Variants in ZMYND11 observed in about 807,000 individuals in gnomAD.
ZMYND11 encodes zinc finger MYND domain-containing protein 11.
Under a neutral mutation model 84.9 loss-of-function variants are expected in ZMYND11, and 9 were observed. That is an observed-to-expected ratio of 0.11 (90% CI 0.06 to 0.18). The LOEUF (loss-of-function observed/expected upper bound fraction) is 0.18. ZMYND11 is among the 10% of genes least tolerant of loss of function. The pLI is 1.00. For missense variants in ZMYND11, 409 were observed against 761.0 expected, an observed-to-expected ratio of 0.54 and a Z score of 5.44; for synonymous variants, 250 against 244.1, an observed-to-expected ratio of 1.02 and a Z score of -0.23.
At chr10:138,694 C>T (rs1836737266) in intron 1 of ZMYND11, among the ~76,000 whole-genome samples, 1 of 151,502 alleles carries the variant, frequency 6.6e-6, no homozygotes, top group Non-Finnish European at 1.5e-5. Context: ...CTTTCTTGTC[C>T]TTCAGTTGAA....
chr10:213,113 C>T (rs1205621328), intron 3 of ZMYND11, among the ~76,000 whole-genome samples: 1 of 151,956 alleles, frequency 6.6e-6, no homozygotes, highest in Non-Finnish European at 1.5e-5. Flanking sequence ...ATGGCCAGTG[C>T]GTGGAGGTTG....
chr10:249,719 A>T (rs1182680313), intron 14 of ZMYND11: 4 of 985,322 alleles, frequency 4.1e-6, no homozygotes, highest in Non-Finnish European at 4.8e-6. Flanking sequence ...GAATTAGGGA[A>T]AAGTTTTGCT....
intron 1 of ZMYND11, among the ~76,000 whole-genome samples, chr10:166,026 T>C (rs782480918): frequency 3.9e-5 from 6 of 152,104 alleles, no homozygotes; most frequent in Non-Finnish European, 8.8e-5. Context: ...TCATCAACAG[T>C]TGGTGCCAAG....
At chr10:204,666 A>G (rs1307152442) in intron 2 of ZMYND11, among the ~76,000 whole-genome samples, 1 of 152,120 alleles carries the variant, frequency 6.6e-6, no homozygotes, top group African/African-American at 2.4e-5. Flanking sequence ...ATTCTTGATT[A>G]GGTTACAGAA....
At chr10:196,573 A>C (rs1941795693) in intron 2 of ZMYND11, among the ~76,000 whole-genome samples, 1 of 152,196 alleles carries the variant, frequency 6.6e-6, no homozygotes, top group African/African-American at 2.4e-5. Context: ...ACATCATAAA[A>C]TTTGATAATC....
upstream of ZMYND11, among the ~76,000 whole-genome samples, chr10:133,422 A>C (rs1835374757): frequency 6.6e-6 from 1 of 152,238 alleles, no homozygotes; most frequent in Non-Finnish European, 1.5e-5. Context: ...ATTCTAGGCA[A>C]AACCAACAGG....
intron 10 of ZMYND11, among the ~76,000 whole-genome samples, chr10:242,472 TC>T (rs1377613640): frequency 3.9e-5 from 6 of 152,144 alleles, no homozygotes; most frequent in African/African-American, 1.4e-4. Flanking sequence ...TCACAGTTAC[TC>T]TAGTTGCTCC....
At chr10:243,816 G>C (rs569219735) in intron 10 of ZMYND11, among the ~76,000 whole-genome samples, 3 of 152,126 alleles carry the variant, frequency 2.0e-5, no homozygotes, top group Admixed American at 2.0e-4. Flanking sequence ...AGTGAGCAGA[G>C]ACTGTGCCAC....
In ZMYND11 at chr10:242,226, G is replaced by A. The variant is rs1025746300; in HGVS notation, c.950+87G>A. 25 of 1,496,228 alleles carry A rather than the reference G, an allele frequency of 1.7e-5. No homozygotes were observed. The Admixed American group carries it at 3.5e-4, about 21-fold the overall frequency. The allele number at this position is 1,496,228 out of a possible 1,614,324, so 92.7% of individuals were successfully genotyped here. A position where few individuals can be genotyped will look rare whatever the true frequency, so the allele number is the denominator to read the frequency against. The stretch of plus-strand genomic sequence containing the variant: ...GATGATTTCTCCATCAGAGATGCAT[G>A]AAGTTTATTTTAAATTGGAAAAAAA... On this transcript the variant is annotated intron_variant, in intron 10 of 14. Transcript: ENST00000381604.
intron 1 of ZMYND11, among the ~76,000 whole-genome samples, chr10:168,729 G>T (rs1332712008): frequency 6.6e-6 from 1 of 152,136 alleles, no homozygotes; most frequent in African/African-American, 2.4e-5. Flanking sequence ...AAACCATGGG[G>T]TGTACTGCTG....
Position 246,898 on chromosome 10 carries a change from A to C in ZMYND11, c.1083A>C (p.Arg361Ser). 6.2e-7 allele frequency: 1 copy of C among 1,613,730 alleles called. No individual in the cohort carries two copies. ...ATCAGCGTTTCCTACGAGAAGGGAG[A>C]TTTTGGAAATCTAAGAATGAGGACC... The part of the protein sequence containing the change: ...ELHQRFLREG[R>S]FWKSKNEDRG... Residue 361 changes from arginine (R) to serine (S), a missense_variant, in exon 11 of 15, where the codon AGA becomes AGC. Around this residue, in one of 7 missense-constraint regions of ZMYND11, gnomAD observed 48 missense variants for 61.1 expected, o/e 0.79. Coordinates refer to ENST00000381604, the MANE Select transcript of ZMYND11 (RefSeq NM_001370100.5).
intron 2 of ZMYND11, among the ~76,000 whole-genome samples, chr10:203,496 T>G (rs899908530): frequency 1.3e-5 from 2 of 152,214 alleles, no homozygotes; most frequent in Admixed American, 6.5e-5. Flanking sequence ...GTGGATATTC[T>G]TAACTTGGTT....
chr10:187,648 A>C (rs1939101626), intron 2 of ZMYND11, among the ~76,000 whole-genome samples: 4 of 136,454 alleles, frequency 2.9e-5, no homozygotes. Context: ...AAAAAAAAAA[A>C]ACCATACCCA....
In ZMYND11 at chr10:151,504, G is replaced by C. The variant is rs549928636; in HGVS notation, c.-20+15945G>C. On this transcript the variant is annotated intron_variant, in intron 1 of 14. Transcript: ENST00000381604. ...AATGAATGAAATAAATCCACAAGAG[G>C]AGTTTAGAGAAAAGAGAGTAAAAAG... 2.5e-4 allele frequency among the ~76,000 whole-genome samples: 38 copies of C among 152,244 alleles called. No homozygotes were observed. In the East Asian group the frequency reaches 6.4e-3, roughly 25 times the overall value.
At chr10:137,180 T>G (rs1260479587) in intron 1 of ZMYND11, among the ~76,000 whole-genome samples, 1 of 152,112 alleles carries the variant, frequency 6.6e-6, no homozygotes, top group African/African-American at 2.4e-5. Flanking sequence ...GAGTGTCATA[T>G]GTACTGTGTA....
chr10:180,566 A>AT (rs1414875651), intron 2 of ZMYND11, among the ~76,000 whole-genome samples: 1 of 151,986 alleles, frequency 6.6e-6, no homozygotes, highest in Non-Finnish European at 1.5e-5. Flanking sequence ...CGCCCAGCTA[A>AT]TTTTTTGTAT....
chr10:158,507 T>C (rs1842212395), intron 1 of ZMYND11, among the ~76,000 whole-genome samples: 1 of 151,776 alleles, frequency 6.6e-6, no homozygotes, highest in Non-Finnish European at 1.5e-5. Flanking sequence ...CAGCCTTTGC[T>C]TCTGGGCTCA....
In ZMYND11 at chr10:180,143, AC is replaced by A. The variant is rs761609975; in HGVS notation, c.116+16del. ...CGTATTACAAAGTAAGTAAATTTAA[AC>A]ACAAATATCTCTGTAAAATGTCGTA... On this transcript the variant is annotated intron_variant, in intron 2 of 14. Transcript: ENST00000381604. The A allele has an allele frequency of 1.9e-6, 3 of 1,593,146 alleles. No individual in the cohort carries two copies. Among genetic ancestry groups the A allele is most frequent in the Non-Finnish European group, 2.6e-6 (3 of 1,163,564 alleles).
intron 4 of ZMYND11, among the ~76,000 whole-genome samples, chr10:234,887 C>T (rs1949670372): frequency 6.6e-6 from 1 of 152,124 alleles, no homozygotes; most frequent in Non-Finnish European, 1.5e-5. Context: ...GGGAGAGCGC[C>T]TTCTGCAGTC....
Sources: allele counts gnomAD v4.1 joint callset (sites outside exome capture counted in the v4.1 genomes callset), GRCh38; gene constraint gnomAD v4.1.1; regional missense constraint gnomAD v4.1.1; transcripts MANE v1.5; gene names NCBI Gene and HGNC (gene_info 2026-07-23, HGNC 2026-07-21).